Variants in CDH3 observed in about 807,000 individuals in gnomAD.
CDH3 encodes the protein cadherin 3, also known as cadherin-3.
Under a neutral mutation model 82.0 loss-of-function variants are expected in CDH3, and 54 were observed. The observed-to-expected ratio is 0.66, with a 90% CI of 0.53 to 0.83. The LOEUF is 0.83. Ranked by LOEUF, CDH3 falls within the 40% of genes least tolerant of loss-of-function variation. CDH3 has a pLI of 0.00. For synonymous variants in CDH3, 446 were observed against 437.9 expected (o/e 1.02, Z -0.23); for missense variants, 1,054 against 1,084.6 (o/e 0.97, Z 0.40).
chr16:68,661,714 C>T (rs1960585312), intron 2 of CDH3, among the ~76,000 whole-genome samples: 2 of 152,226 alleles, frequency 1.3e-5, no homozygotes, highest in South Asian at 2.1e-4. Context: ...TTGGAGATGG[C>T]GTCTTACTCT....
Position 68,687,677 on chromosome 16 carries a change from T to C in CDH3, c.1736T>C (p.Phe579Ser). The change falls in exon 12 of 16, where the codon TTC (phenylalanine) becomes TCC (serine). Residue 579 changes from phenylalanine to serine, a missense_variant. Phe to Ser is a radical substitution (Grantham distance 155). Coordinates refer to ENST00000264012, the MANE Select transcript of CDH3 (RefSeq NM_001793.6). ...GACCTGTCTCCCCACACCTCCCCTT[T>C]CCAGGCCCAGCTCACAGATGACTCA... is the stretch of plus-strand genomic sequence containing the variant. Reference protein sequence around the residue: ...DKDLSPHTSPFQAQLTDDSDI... With the variant: ...DKDLSPHTSPSQAQLTDDSDI... 1 of 1,613,960 alleles carries C rather than the reference T, an allele frequency of 6.2e-7. No homozygotes were observed. The highest frequency in any genetic ancestry group is 8.5e-7 in the Non-Finnish European group (1 of 1,179,974).
At chr16:68,690,588 G>C (rs1961535443) in intron 12 of CDH3, among the ~76,000 whole-genome samples, 1 of 150,404 alleles carries the variant, frequency 6.6e-6, no homozygotes, top group Non-Finnish European at 1.5e-5. Context: ...ACTCCAGCCT[G>C]AGTGATAGAG....
chr16:68,711,968 T>A (rs1962036193), intron 1 of CDH3, among the ~76,000 whole-genome samples: 1 of 151,976 alleles, frequency 6.6e-6, no homozygotes. Context: ...CCACCCTGCA[T>A]GATCCTAGGA....
chr16:68,706,343 C>T (rs1961963628), intron 1 of CDH3, among the ~76,000 whole-genome samples: 3 of 151,904 alleles, frequency 2.0e-5, no homozygotes, highest in Non-Finnish European at 4.4e-5. Flanking sequence ...TCTACCCAGC[C>T]CAAGCACCAT....
In CDH3 at chr16:68,712,688, C is replaced by CTT. The variant is rs199836116; in HGVS notation, c.100-9727_100-9726dup. 5.0e-3 allele frequency among the ~76,000 whole-genome samples: 721 copies of CTT among 144,160 alleles called. 8 individuals are homozygous for CTT. The highest frequency in any genetic ancestry group is 0.017 in the African/African-American group (686 of 39,642). The allele number at this position is 144,160 out of a possible 152,430, so 94.6% of individuals were successfully genotyped here. A position where few individuals can be genotyped will look rare whatever the true frequency, so the allele number is the denominator to read the frequency against. On this transcript the variant is annotated intron_variant, in intron 1 of 2. Coordinates refer to the CDH3 transcript ENST00000569080. ...TCAGGACCTCTCAATTCCCAGGTTCCTTTTTTTTTTTGAGATGGCGACTCC... is the reference window on the plus strand; with the variant it reads ...TCAGGACCTCTCAATTCCCAGGTTCCTTTTTTTTTTTTTGAGATGGCGACTCC...
chr16:68,675,206 A>G (rs1232126896), intron 2 of CDH3, among the ~76,000 whole-genome samples: 1 of 152,202 alleles, frequency 6.6e-6, no homozygotes, highest in East Asian at 1.9e-4. Context: ...AACCAAAATA[A>G]TAATAATCTG....
chr16:68,658,629 T>G (rs1415285343), intron 2 of CDH3, among the ~76,000 whole-genome samples: 1 of 152,144 alleles, frequency 6.6e-6, no homozygotes, highest in East Asian at 1.9e-4. Context: ...CAGCAACTTG[T>G]GAGCTCTCCC....
chr16:68,732,152 C>A (rs1276209333), downstream of CDH3, among the ~76,000 whole-genome samples: 1 of 135,428 alleles, frequency 7.4e-6, no homozygotes, highest in Non-Finnish European at 1.5e-5. Context: ...TGCTGGCAGG[C>A]AGCCCAGCCC....
chr16:68,729,614 G>T (rs1004893927), downstream of CDH3, among the ~76,000 whole-genome samples: 2 of 152,196 alleles, frequency 1.3e-5, no homozygotes, highest in Middle Eastern at 6.8e-3. Flanking sequence ...TGTGGCTCTT[G>T]CTTGGATCTT....
chr16:68,728,346 T>C (rs552696655), downstream of CDH3, among the ~76,000 whole-genome samples: 20 of 151,228 alleles, frequency 1.3e-4, no homozygotes, highest in East Asian at 3.7e-3. Context: ...TTTGTATTTT[T>C]AGTAGAGAAG....
At chr16:68,671,712 G>T in intron 2 of CDH3, among the ~76,000 whole-genome samples, 1 of 151,784 alleles carries the variant, frequency 6.6e-6, no homozygotes, top group East Asian at 1.9e-4. Context: ...AGTAGAGACG[G>T]GATTTTACTA....
chr16:68,683,980 T>C (rs1860177010), intron 9 of CDH3, among the ~76,000 whole-genome samples: 2 of 149,548 alleles, frequency 1.3e-5, no homozygotes, highest in African/African-American at 5.0e-5. Context: ...GGCAGGAGAA[T>C]CGCTTGATCT....
chr16:68,666,485 G>C (rs1960737086), intron 2 of CDH3, among the ~76,000 whole-genome samples: 1 of 152,082 alleles, frequency 6.6e-6, no homozygotes, highest in African/African-American at 2.4e-5. Context: ...GAGCCCCAAG[G>C]CCTCTTGGGA....
intron 2 of CDH3, among the ~76,000 whole-genome samples, chr16:68,659,384 C>T (rs1441430653): frequency 6.6e-6 from 1 of 152,040 alleles, no homozygotes; most frequent in Non-Finnish European, 1.5e-5. Flanking sequence ...GCCTGGGCAA[C>T]ATGGTGAGAC....
At chr16:68,680,601 C>T (rs1014195147) in intron 7 of CDH3, among the ~76,000 whole-genome samples, 12 of 152,160 alleles carry the variant, frequency 7.9e-5, no homozygotes, top group African/African-American at 2.7e-4. Context: ...ATCACTTGAA[C>T]CTGGGAGGTG....
At position 68,678,025 on chromosome 16, in the gene CDH3, A is replaced by T. The variant is rs115296166; in HGVS notation, c.247-109A>T. On this transcript the variant is annotated intron_variant, in intron 3 of 15. Coordinates refer to ENST00000264012, the MANE Select transcript of CDH3 (RefSeq NM_001793.6). Reference sequence around the variant, plus strand: ...GACCCTCCCAAAGTACTGGGATTATAGGCGTGAGCTACCATGCCCAGCCAC... The same window carrying T: ...GACCCTCCCAAAGTACTGGGATTATTGGCGTGAGCTACCATGCCCAGCCAC... 238 of 999,232 alleles carry T rather than the reference A, an allele frequency of 2.4e-4. No individual in the cohort carries two copies. In the African/African-American group the frequency reaches 2.9e-3, roughly 12 times the overall value. The allele number at this position is 999,232 out of a possible 1,614,324, so 61.9% of individuals were successfully genotyped here.
rs34099768 is a variant in CDH3, at chr16:68,699,484, AT to A, written c.*1101del. The A allele has an allele frequency of 0.027, 3,817 of 139,980 alleles. 91 individuals carry two copies. The highest frequency in any genetic ancestry group is 0.059 in the African/African-American group (2,241 of 37,784). 8.7% of individuals were successfully genotyped at this position (139,980 alleles called of 1,614,324 possible). Reference sequence around the variant, plus strand: ...AGCCAGCTCTGCTACTTGCTAGCACATTTTTTTTTTTTTTTTTGAGACGGAG... The same window carrying A: ...AGCCAGCTCTGCTACTTGCTAGCACATTTTTTTTTTTTTTTTGAGACGGAG... On this transcript the variant is annotated 3_prime_UTR_variant, in exon 16 of 16. Coordinates refer to ENST00000264012, the MANE Select transcript of CDH3 (RefSeq NM_001793.6).
At chr16:68,729,573 GTC>G (rs766476062), downstream of CDH3, among the ~76,000 whole-genome samples, 4 of 152,120 alleles carry the variant, frequency 2.6e-5, no homozygotes, top group Non-Finnish European at 4.4e-5. Flanking sequence ...GGTAAAAAGA[GTC>G]TTAAGGGGCA....
chr16:68,678,553 C>G lies in CDH3; in HGVS notation c.443C>G (p.Pro148Arg). The change falls in exon 5 of 16, where the codon CCG (proline) becomes CGG (arginine). Residue 148 changes from proline (P) to arginine (R), a missense_variant. Physicochemically the swap from Pro to Arg is moderately radical, Grantham distance 103 (BLOSUM62 -2). Coordinates refer to ENST00000264012, the MANE Select transcript of CDH3 (RefSeq NM_001793.6). ...AAGATTTTCTACAGCATCACGGGGC[C>G]GGGGGCAGACAGCCCCCCTGAGGGT... The part of the protein sequence containing the change: ...DTKIFYSITG[P>R]GADSPPEGVF... 1 of 1,613,382 alleles carries G rather than the reference C, an allele frequency of 6.2e-7. No individual in the cohort carries two copies.
Sources: gnomAD v4.1 joint callset for allele counts (sites outside exome capture counted in the v4.1 genomes callset) on GRCh38, gnomAD v4.1.1 for gene constraint, MANE v1.5 for transcripts, NCBI Gene and HGNC (gene_info 2026-07-23, HGNC 2026-07-21) for gene names.